HDLBP: variants seen among roughly 807,000 people sequenced by gnomAD.
HDLBP encodes the protein vigilin.
In HDLBP, 30 loss-of-function variants were observed where a neutral mutation model predicts 137.3. The observed-to-expected ratio is 0.22, with a 90% CI of 0.16 to 0.30. HDLBP has a LOEUF of 0.30. HDLBP is among the 10% of genes least tolerant of loss of function. HDLBP has a pLI of 1.00. For missense variants in HDLBP, 1,119 were observed against 1,667.3 expected, an observed-to-expected ratio of 0.67 and a Z score of 5.73; for synonymous variants, 606 against 596.0, an observed-to-expected ratio of 1.02 and a Z score of -0.24.
At chr2:241,247,328 T>G in intron 14 of HDLBP, 186 bp from the exon 15 acceptor site, 1 of 603,556 alleles carries the variant, frequency 1.7e-6, no homozygotes, top group Non-Finnish European at 3.0e-6. Flanking sequence ...CGTTGCAAAT[T>G]ACAGTCAATC....
At chr2:241,300,264 C>A (rs897959758) in intron 1 of HDLBP, among the ~76,000 whole-genome samples, 1 of 152,126 alleles carries the variant, frequency 6.6e-6, no homozygotes, top group African/African-American at 2.4e-5. Context: ...TCCATCTGGG[C>A]CAGCCACTAG....
chr2:241,236,626 C>T lies in HDLBP; in HGVS notation c.2893G>A (p.Glu965Lys), dbSNP rs557925333. 1.2e-5 allele frequency: 19 copies of T among 1,614,038 alleles called. No individual in the cohort carries two copies. In the East Asian group the frequency reaches 3.6e-4, roughly 30 times the overall value. The change falls in exon 21 of 28, where the codon GAA becomes AAA. Residue 965 changes from glutamate to lysine, a missense_variant. Physicochemically the swap from Glu to Lys is moderately conservative, Grantham distance 56 (BLOSUM62 1). Transcript: ENST00000310931. ...GRKEKCEAAK[E>K]ALEALVPVTI... Reference sequence around the variant, plus strand: ...ACATGGACACATACCTCCAGAGCTTCCTTGGCAGCCTCACACTTTTCTTTC... The same window carrying T: ...ACATGGACACATACCTCCAGAGCTTTCTTGGCAGCCTCACACTTTTCTTTC...
intron 1 of HDLBP, among the ~76,000 whole-genome samples, chr2:241,313,625 C>T (rs1346846197): frequency 6.6e-6 from 1 of 152,254 alleles, no homozygotes; most frequent in South Asian, 2.1e-4. Flanking sequence ...AACCCTTAAC[C>T]CTACACAGCA....
intron 1 of HDLBP, among the ~76,000 whole-genome samples, chr2:241,295,317 TA>T (rs1410072217): frequency 6.6e-6 from 1 of 152,232 alleles, no homozygotes; most frequent in African/African-American, 2.4e-5. Flanking sequence ...AAGATGTTAC[TA>T]TTGTCAAAGA....
intron 1 of HDLBP, chr2:241,280,055 C>A: frequency 1.0e-6 from 1 of 985,416 alleles, no homozygotes; most frequent in South Asian, 4.7e-5. Flanking sequence ...GCGCCCACCA[C>A]TTCCTTGGCA....
chr2:241,234,463 A>G (rs2070162059), intron 23 of HDLBP, among the ~76,000 whole-genome samples: 1 of 152,198 alleles, frequency 6.6e-6, no homozygotes. Context: ...CACTGACACC[A>G]TGTGAGGTTC....
intron 2 of HDLBP, 119 bp downstream of exon 2, chr2:241,268,358 C>A: frequency 1.7e-6 from 1 of 600,514 alleles, no homozygotes; most frequent in Non-Finnish European, 2.1e-6. Context: ...CCACGAGAAA[C>A]TTGAAGGTGT....
chr2:241,256,763 A>AAAG lies in HDLBP; in HGVS notation c.493_494insCTT (p.Val165delinsAlaPhe). 6.2e-7 allele frequency: 1 copy of AAAG among 1,614,174 alleles called. No homozygotes were observed. Among genetic ancestry groups the AAAG allele is most frequent in the South Asian group, 1.1e-5 (1 of 91,078 alleles). ...CAGTTTCTCTCCATTTTTGCCAATA[A>AAAG]CAAAGCGATGGTGTTCTTTGGGAAT... On this transcript the variant is annotated protein_altering_variant, in exon 6 of 28. Coordinates refer to ENST00000310931, the MANE Select transcript of HDLBP (RefSeq NM_005336.6).
At chr2:241,265,070 G>C (rs991718270) in intron 3 of HDLBP, among the ~76,000 whole-genome samples, 1 of 152,234 alleles carries the variant, frequency 6.6e-6, no homozygotes, top group Non-Finnish European at 1.5e-5. Context: ...CCACCTGTGA[G>C]AATTGCCTTT....
intron 12 of HDLBP, chr2:241,249,351 G>A: frequency 2.1e-6 from 1 of 471,460 alleles, no homozygotes; most frequent in Non-Finnish European, 4.4e-6. Flanking sequence ...GTGGGTATCT[G>A]ACTCACAGAA....
At chr2:241,300,374 A>G (rs2075351289) in intron 1 of HDLBP, among the ~76,000 whole-genome samples, 2 of 152,206 alleles carry the variant, frequency 1.3e-5, no homozygotes, top group South Asian at 4.1e-4. Context: ...TAACAGGAAC[A>G]CTGCCCAGCG....
intron 1 of HDLBP, chr2:241,273,114 G>A (rs1197210093): frequency 6.1e-6 from 6 of 985,376 alleles, no homozygotes; most frequent in Non-Finnish European, 7.2e-6. Context: ...CAGGAAGGAC[G>A]GCTGCTCTGG....
intron 10 of HDLBP, 68 bp downstream of exon 10, chr2:241,253,325 G>T (rs753310095): frequency 7.6e-6 from 8 of 1,056,366 alleles, no homozygotes; most frequent in Non-Finnish European, 1.0e-5. Flanking sequence ...ATCGAGAGAT[G>T]ACCGCCCATG....
chr2:241,236,507 T>C (rs1010237504), intron 21 of HDLBP, 108 bp downstream of exon 21: 1 of 1,115,510 alleles, frequency 9.0e-7, no homozygotes, highest in Non-Finnish European at 1.3e-6. Context: ...CTACCTCCAC[T>C]GCCACTGCCG....
intron 11 of HDLBP, chr2:241,250,715 C>G (rs948447345): frequency 6.6e-6 from 1 of 151,894 alleles, no homozygotes; most frequent in Non-Finnish European, 1.5e-5. Flanking sequence ...AACACATGCA[C>G]ACGCAGAGGC....
At chr2:241,298,740 AGAG>A (rs1465526138) in intron 1 of HDLBP, among the ~76,000 whole-genome samples, 2 of 152,236 alleles carry the variant, frequency 1.3e-5, no homozygotes, top group African/African-American at 4.8e-5. Context: ...ATTAGGATGC[AGAG>A]AAGAACCCAG....
At chr2:241,250,266 TGGG>T in intron 11 of HDLBP, 1 of 285,998 alleles carries the variant, frequency 3.5e-6, no homozygotes, top group Non-Finnish European at 6.5e-6. Flanking sequence ...CCACTCAGTC[TGGG>T]ATTTAGCTCG....
chr2:241,268,190 GAAGC>G (rs2073819624), intron 2 of HDLBP, among the ~76,000 whole-genome samples: 2 of 152,328 alleles, frequency 1.3e-5, no homozygotes, highest in African/African-American at 4.8e-5. Context: ...ATCCTAAAGA[GAAGC>G]AAGACCCCAA....
chr2:241,233,738 G>GC lies in HDLBP; in HGVS notation c.3288+81dup. On this transcript the variant is annotated intron_variant, in intron 24 of 27. Transcript: ENST00000310931. This position sits in a 1 kb window ranked among gnomAD's most constrained non-coding sequence, Gnocchi z 4.3. ...ACTTGGCCCTCGAACCCCCATCTAG[G>GC]CACATCTGGTTACTGCTCCCAAGTC... 6.6e-7 allele frequency: 1 copy of GC among 1,517,730 alleles called. No individual in the cohort carries two copies. The highest frequency in any genetic ancestry group is 9.1e-7 in the Non-Finnish European group (1 of 1,101,156). The allele number at this position is 1,517,730 out of a possible 1,614,324, so 94.0% of individuals were successfully genotyped here.
Sources: gnomAD v4.1 joint callset for allele counts (sites outside exome capture counted in the v4.1 genomes callset) on GRCh38, gnomAD v4.1.1 for gene constraint, Gnocchi (gnomAD v3.1) non-coding constraint, MANE v1.5 for transcripts, NCBI Gene and HGNC (gene_info 2026-07-23, HGNC 2026-07-21) for gene names.